Variants in MEP1A observed in about 807,000 individuals in gnomAD.
The protein encoded by MEP1A is meprin A subunit alpha.
Under a neutral mutation model 84.5 loss-of-function variants are expected in MEP1A, and 68 were observed. The observed-to-expected ratio is 0.80, with a 90% CI of 0.66 to 0.98. The LOEUF (loss-of-function observed/expected upper bound fraction) is 0.98. Among genes scored for constraint, MEP1A ranks in the 50% least tolerant of loss-of-function variants. The pLI, the probability that MEP1A is intolerant of heterozygous loss-of-function variation, is 0.00. For missense variants in MEP1A, 887 were observed against 919.9 expected (o/e 0.96, Z 0.46); for synonymous variants, 337 against 336.8 (o/e 1.00, Z -0.01).
chr6:46,809,907 T>C (rs1767455024), intron 6 of MEP1A, among the ~76,000 whole-genome samples: 1 of 151,842 alleles, frequency 6.6e-6, no homozygotes, highest in Non-Finnish European at 1.5e-5. Flanking sequence ...CAGTTGCAAA[T>C]TGTGCTGCTA....
intron 13 of MEP1A, among the ~76,000 whole-genome samples, chr6:46,836,355 A>G (rs1768217907): frequency 6.6e-6 from 1 of 152,230 alleles, no homozygotes; most frequent in Non-Finnish European, 1.5e-5. Context: ...ACAGTAGCAG[A>G]TGTAGAAGCT....
intron 9 of MEP1A, 71 bp from the exon 10 acceptor site, chr6:46,829,285 C>A: frequency 7.6e-7 from 1 of 1,314,514 alleles, no homozygotes. Flanking sequence ...CACTATTTCA[C>A]TTTGTTTGGG....
intron 9 of MEP1A, among the ~76,000 whole-genome samples, chr6:46,828,050 G>A (rs1473227990): frequency 6.6e-6 from 1 of 152,186 alleles, no homozygotes; most frequent in Admixed American, 6.5e-5. Context: ...GAGCTTGAAG[G>A]ATCCATTGGG....
At chr6:46,807,770 G>GGAAAGAAAGAAA (rs545795578) in intron 5 of MEP1A, among the ~76,000 whole-genome samples, 59 of 97,310 alleles carry the variant, frequency 6.1e-4, no homozygotes, top group East Asian at 1.3e-3. Flanking sequence ...AAGGGAGAAA[G>GGAAAGAAAGAAA]GAAAGAAAGA....
chr6:46,805,359 A>G (rs1208727643), intron 5 of MEP1A, among the ~76,000 whole-genome samples: 2 of 151,894 alleles, frequency 1.3e-5, no homozygotes, highest in Non-Finnish European at 2.9e-5. Context: ...TTGGGCATCT[A>G]GTGCTATTTT....
rs567670282 is a variant in MEP1A, at chr6:46,799,022, G to T, written c.187-84G>T. The T allele has an allele frequency of 3.8e-5, 32 of 834,838 alleles. No homozygotes were observed. The South Asian group carries it at 4.0e-4, about 10-fold the overall frequency. 51.7% of individuals were successfully genotyped at this position (834,838 alleles called of 1,614,324 possible). Reference sequence around the variant, plus strand: ...GTTTGAGTTGTGTGATAGACTGTTTGCTCTGTGAGAGTTTAGTGAAGGAGG... The same window carrying T: ...GTTTGAGTTGTGTGATAGACTGTTTTCTCTGTGAGAGTTTAGTGAAGGAGG... On this transcript the variant is annotated intron_variant, in intron 4 of 13. Transcript: ENST00000230588.
At chr6:46,801,633 T>C (rs952647643) in intron 5 of MEP1A, among the ~76,000 whole-genome samples, 9 of 152,114 alleles carry the variant, frequency 5.9e-5, no homozygotes, top group African/African-American at 2.2e-4. Flanking sequence ...TAAAGTGTGA[T>C]TTATCAATTT....
chr6:46,842,825 C>A (rs550199305), downstream of MEP1A, among the ~76,000 whole-genome samples: 3 of 152,098 alleles, frequency 2.0e-5, no homozygotes, highest in Non-Finnish European at 4.4e-5. Context: ...CCCCAGAGGC[C>A]CAGCTGTAAA....
At chr6:46,823,662 AAGG>A (rs1767834989) in intron 7 of MEP1A, among the ~76,000 whole-genome samples, 1 of 152,286 alleles carries the variant, frequency 6.6e-6, no homozygotes, top group South Asian at 2.1e-4. Context: ...GGAGCTAGAG[AAGG>A]AGAATACGAG....
chr6:46,833,232 G>T lies in MEP1A; in HGVS notation c.1303G>T (p.Val435Phe), dbSNP rs1419341871. 4 of 1,614,020 alleles carry T rather than the reference G, an allele frequency of 2.5e-6. No homozygotes were observed. The highest frequency in any genetic ancestry group is 1.7e-5 in the Admixed American group (1 of 59,998). Residue 435 changes from valine to phenylalanine, a missense_variant, in exon 11 of 14, where the codon GTC (valine) becomes TTC (phenylalanine). Coordinates refer to ENST00000230588, the MANE Select transcript of MEP1A (RefSeq NM_005588.3). Reference sequence around the variant, plus strand: ...GACAGAAACCCCCTGCCCCACAGGGGTCTGGACAGTCCGGAATTTCTCCCA... The same window carrying T: ...GACAGAAACCCCCTGCCCCACAGGGTTCTGGACAGTCCGGAATTTCTCCCA... ...TLTETPCPTGVWTVRNFSQVL... is the reference protein window; with the variant it reads ...TLTETPCPTGFWTVRNFSQVL...
chr6:46,821,047 G>A (rs567259546), intron 7 of MEP1A, among the ~76,000 whole-genome samples: 2 of 152,096 alleles, frequency 1.3e-5, no homozygotes, highest in South Asian at 4.1e-4. Context: ...TGGAAGAACT[G>A]ACCAAGCTTT....
At chr6:46,809,392 TC>T in intron 5 of MEP1A, 27 bp from the exon 6 acceptor site, 1 of 1,376,290 alleles carries the variant, frequency 7.3e-7, no homozygotes, top group East Asian at 2.3e-5. Flanking sequence ...CAAATAATGC[TC>T]ATTGATATTT....
chr6:46,807,620 GGAAA>G (rs1190167875), intron 5 of MEP1A, among the ~76,000 whole-genome samples: 725 of 68,976 alleles, frequency 0.011, 1 homozygote, highest in South Asian at 0.016. Flanking sequence ...AAGGAAGGAA[GGAAA>G]GAAGGAAGGA....
chr6:46,823,506 G>T (rs1767831308), intron 7 of MEP1A, among the ~76,000 whole-genome samples: 1 of 152,182 alleles, frequency 6.6e-6, no homozygotes, highest in Non-Finnish European at 1.5e-5. Flanking sequence ...CAGCTACTCA[G>T]GAGGCTGAGG....
chr6:46,838,692 A>G (rs1768271974), intron 13 of MEP1A, among the ~76,000 whole-genome samples: 1 of 152,162 alleles, frequency 6.6e-6, no homozygotes, highest in African/African-American at 2.4e-5. Context: ...ACCTCTTGAG[A>G]TTAGATTTCA....
chr6:46,825,718 AAAAC>A (rs1242885496), intron 8 of MEP1A, among the ~76,000 whole-genome samples: 1 of 152,228 alleles, frequency 6.6e-6, no homozygotes, highest in African/African-American at 2.4e-5. Context: ...TTAAAAACAA[AAAAC>A]AAACAAAACT....
intron 5 of MEP1A, among the ~76,000 whole-genome samples, chr6:46,807,585 G>GA (rs1562106730): frequency 2.3e-4 from 12 of 51,176 alleles, no homozygotes; most frequent in African/African-American, 9.5e-4. Flanking sequence ...AGGAAGGAAG[G>GA]AAGGAAGGAA....
At position 46,797,871 on chromosome 6, in the gene MEP1A, TTTCC is replaced by T. The variant is rs1162981215; in HGVS notation, c.146-679_146-676del. Among the ~76,000 whole-genome samples, 503 of 106,956 alleles carry T rather than the reference TTTCC, an allele frequency of 4.7e-3. 4 individuals carry two copies. Among genetic ancestry groups the T allele is most frequent in the Non-Finnish European group, 6.6e-3 (349 of 52,980 alleles). 70.2% of individuals were successfully genotyped at this position (106,956 alleles called of 152,430 possible). A position where few individuals can be genotyped will look rare whatever the true frequency, so the allele number is the denominator to read the frequency against. ...CTTTCTTTCTTTCTTACTTTCTACCTTTCCTTCCTTCCTTCCTTCCTTCCTTCCT... is the reference window on the plus strand; with the variant it reads ...CTTTCTTTCTTTCTTACTTTCTACCTTTCCTTCCTTCCTTCCTTCCTTCCT... On this transcript the variant is annotated intron_variant, in intron 3 of 13. Transcript: ENST00000230588.
chr6:46,806,312 C>G (rs561361534), intron 5 of MEP1A, among the ~76,000 whole-genome samples: 1 of 151,942 alleles, frequency 6.6e-6, no homozygotes, highest in Non-Finnish European at 1.5e-5. Context: ...AGTGATTATG[C>G]GTGTTTTCAT....
Sources: allele counts gnomAD v4.1 joint callset (sites outside exome capture counted in the v4.1 genomes callset), GRCh38; gene constraint gnomAD v4.1.1; transcripts MANE v1.5; gene names NCBI Gene and HGNC (gene_info 2026-07-23, HGNC 2026-07-21).